The following GABBR2 variants were observed in gnomAD, a reference collection of about 807,000 sequenced individuals.
GABBR2 encodes G-protein coupled receptor 51.
In GABBR2, 23 loss-of-function variants were observed where a neutral mutation model predicts 105.6. The observed-to-expected ratio is 0.22, with a 90% CI of 0.16 to 0.31. The LOEUF is 0.31. GABBR2 is among the 10% of genes least tolerant of loss of function. GABBR2 has a pLI of 1.00. For synonymous variants in GABBR2, 478 were observed against 499.7 expected (o/e 0.96, Z 0.58); for missense variants, 734 against 1,245.5 (o/e 0.59, Z 6.18).
intron 2 of GABBR2, among the ~76,000 whole-genome samples, chr9:98,564,158 G>A (rs889181640): frequency 1.6e-4 from 25 of 152,298 alleles, no homozygotes; most frequent in African/African-American, 5.8e-4. Context: ...CAGGGGACAC[G>A]TACTGCCTGG....
intron 8 of GABBR2, among the ~76,000 whole-genome samples, chr9:98,400,353 C>T (rs10818876): frequency 0.22 from 33,082 of 151,874 alleles, 6,047 homozygotes; most frequent in African/African-American, 0.51. Flanking sequence ...ACTTTTAGAC[C>T]GTCAAAAAAT....
At chr9:98,302,922 A>T (rs1273439158) in intron 16 of GABBR2, 11 of 330,122 alleles carry the variant, frequency 3.3e-5, no homozygotes, top group Non-Finnish European at 5.5e-5. Context: ...ACACAGATAA[A>T]GAGACACTGA....
chr9:98,580,747 C>T (rs575962242), intron 1 of GABBR2, among the ~76,000 whole-genome samples: 1 of 152,240 alleles, frequency 6.6e-6, no homozygotes, highest in South Asian at 2.1e-4. Context: ...GAGATCGCGC[C>T]CTGCACTCCA....
At chr9:98,293,523 C>T (rs1285784642) in intron 18 of GABBR2, among the ~76,000 whole-genome samples, 4 of 152,196 alleles carry the variant, frequency 2.6e-5, no homozygotes, top group African/African-American at 9.7e-5. Context: ...TGGTAGACAA[C>T]ATGGGATTTG....
chr9:98,591,440 CTTTCACCAGGGG>C (rs1418157938), intron 1 of GABBR2, among the ~76,000 whole-genome samples: 1 of 152,192 alleles, frequency 6.6e-6, no homozygotes, highest in Non-Finnish European at 1.5e-5. Flanking sequence ...CACTGCAGCA[CTTTCACCAGGGG>C]AGTGCCGAGA....
chr9:98,305,882 T>C (rs1366304158), intron 15 of GABBR2, among the ~76,000 whole-genome samples: 2 of 151,034 alleles, frequency 1.3e-5, no homozygotes, highest in Non-Finnish European at 2.9e-5. Flanking sequence ...ACATTAACAG[T>C]AAAGAACACC....
chr9:98,408,562 G>A (rs1259093424), intron 7 of GABBR2, among the ~76,000 whole-genome samples: 1 of 152,168 alleles, frequency 6.6e-6, no homozygotes, highest in Non-Finnish European at 1.5e-5. Flanking sequence ...AAGAAGTTCT[G>A]CCCAATAGGT....
chr9:98,468,738 A>T (rs1490926565), intron 6 of GABBR2, among the ~76,000 whole-genome samples: 1 of 152,162 alleles, frequency 6.6e-6, no homozygotes. Flanking sequence ...AGAGAATGTG[A>T]CTTGCTGAGG....
At chr9:98,502,123 G>A (rs1391843767) in intron 3 of GABBR2, among the ~76,000 whole-genome samples, 1 of 152,186 alleles carries the variant, frequency 6.6e-6, no homozygotes. Flanking sequence ...ATGCCTGCAA[G>A]ACATAGGGGG....
intron 7 of GABBR2, among the ~76,000 whole-genome samples, chr9:98,411,650 C>A (rs1441022102): frequency 6.6e-6 from 1 of 152,076 alleles, no homozygotes; most frequent in South Asian, 2.1e-4. Context: ...AAACCTCGAG[C>A]TCCTGGGCTC....
intron 1 of GABBR2, among the ~76,000 whole-genome samples, chr9:98,579,780 A>G (rs1289060607): frequency 2.0e-5 from 3 of 152,178 alleles, no homozygotes; most frequent in Admixed American, 2.0e-4. Flanking sequence ...TAGATACAAA[A>G]CTGGTTAATG....
At chr9:98,524,387 A>T (rs887545093) in intron 3 of GABBR2, among the ~76,000 whole-genome samples, 2 of 152,242 alleles carry the variant, frequency 1.3e-5, no homozygotes, top group African/African-American at 4.8e-5. Flanking sequence ...TACAGAAAAA[A>T]ATAGATGAAT....
intron 14 of GABBR2, among the ~76,000 whole-genome samples, chr9:98,309,210 CTGTT>C (rs1830598516): frequency 2.6e-5 from 4 of 152,212 alleles, no homozygotes; most frequent in African/African-American, 4.8e-5. Flanking sequence ...CTGGCTGAAG[CTGTT>C]AGCTTCACGG....
intron 4 of GABBR2, among the ~76,000 whole-genome samples, chr9:98,482,304 A>T (rs2131644793): frequency 6.6e-6 from 1 of 152,358 alleles, no homozygotes; most frequent in South Asian, 2.1e-4. Context: ...TTCTAAAATC[A>T]TCTTTCGTTT....
intron 13 of GABBR2, among the ~76,000 whole-genome samples, chr9:98,354,317 T>C (rs1831450575): frequency 6.6e-6 from 1 of 152,232 alleles, no homozygotes; most frequent in Non-Finnish European, 1.5e-5. Flanking sequence ...GGCACTGGCT[T>C]CAACTTAAAG....
At chr9:98,653,771 C>G (rs1230456367) in intron 1 of GABBR2, among the ~76,000 whole-genome samples, 1 of 151,944 alleles carries the variant, frequency 6.6e-6, no homozygotes, top group Non-Finnish European at 1.5e-5. Flanking sequence ...ACAAACACAC[C>G]TCTTTTTATG....
chr9:98,589,855 C>G (rs1358290729), intron 1 of GABBR2, among the ~76,000 whole-genome samples: 1 of 151,990 alleles, frequency 6.6e-6, no homozygotes, highest in Non-Finnish European at 1.5e-5. Flanking sequence ...CCTGGGACCA[C>G]AGGTGCACAC....
chr9:98,377,198 C>T (rs980383368), intron 11 of GABBR2, among the ~76,000 whole-genome samples: 9 of 147,056 alleles, frequency 6.1e-5, no homozygotes, highest in South Asian at 2.2e-4. Flanking sequence ...TTTTTGGAAA[C>T]GCAGCATTCT....
chr9:98,477,808 C>T (rs910752350), intron 5 of GABBR2, among the ~76,000 whole-genome samples: 3 of 152,226 alleles, frequency 2.0e-5, no homozygotes, highest in African/African-American at 4.8e-5. Flanking sequence ...AATAAACCCT[C>T]GCATCAGTAA....
Sources: allele counts gnomAD v4.1 joint callset (sites outside exome capture counted in the v4.1 genomes callset), GRCh38; gene constraint gnomAD v4.1.1; transcripts MANE v1.5; gene names NCBI Gene and HGNC (gene_info 2026-07-23, HGNC 2026-07-21).